The following NFIA variants were observed in gnomAD, a reference collection of about 807,000 sequenced individuals.
The protein encoded by NFIA is nuclear factor I A.
Under a neutral mutation model 62.8 loss-of-function variants are expected in NFIA, and 8 were observed. The observed-to-expected ratio is 0.13, with a 90% CI of 0.07 to 0.23. The LOEUF is 0.23. NFIA is among the 10% of genes least tolerant of loss of function. The pLI, the probability that NFIA is intolerant of heterozygous loss-of-function variation, is 1.00. For synonymous variants in NFIA, 235 were observed against 238.1 expected, an observed-to-expected ratio of 0.99 and a Z score of 0.12; for missense variants, 410 against 642.1, an observed-to-expected ratio of 0.64 and a Z score of 3.91.
chr1:61,177,672 T>C (rs1458102905), intron 2 of NFIA, among the ~76,000 whole-genome samples: 2 of 151,870 alleles, frequency 1.3e-5, no homozygotes, highest in African/African-American at 2.4e-5. Context: ...TGTGTGTGTG[T>C]GTGTGTGTGT....
rs184910568 is a variant in NFIA, at chr1:61,209,103, A to G, written c.560-68417A>G. Among the ~76,000 whole-genome samples the G allele has an allele frequency of 3.9e-5, 6 of 152,314 alleles. No individual in the cohort carries two copies. In the East Asian group the frequency reaches 9.6e-4, roughly 24 times the overall value. On this transcript the variant is annotated intron_variant, in intron 2 of 10. Coordinates refer to ENST00000403491, the MANE Select transcript of NFIA (RefSeq NM_001134673.4). ...GCTGTATTAAGGAAACCTGGAAACT[A>G]AAAAACACAAGAGTTTTGTTTTTTT...
intron 2 of NFIA, among the ~76,000 whole-genome samples, chr1:61,164,759 CA>C (rs1649458406): frequency 6.6e-6 from 1 of 152,044 alleles, no homozygotes; most frequent in Non-Finnish European, 1.5e-5. Flanking sequence ...CACGTCCAGC[CA>C]AATGTCTCAA....
intron 10 of NFIA, among the ~76,000 whole-genome samples, chr1:61,428,999 T>C (rs1666988612): frequency 6.6e-6 from 1 of 152,150 alleles, no homozygotes; most frequent in Non-Finnish European, 1.5e-5. Context: ...TATAAACAGA[T>C]GCAAAATAAA....
At chr1:61,160,353 C>T (rs1649107822) in intron 2 of NFIA, among the ~76,000 whole-genome samples, 1 of 152,212 alleles carries the variant, frequency 6.6e-6, no homozygotes, top group African/African-American at 2.4e-5. Context: ...TCTGGGAATG[C>T]AGTCCAGCAA....
intron 6 of NFIA, among the ~76,000 whole-genome samples, chr1:61,374,913 T>C (rs1205639884): frequency 1.3e-5 from 2 of 152,356 alleles, no homozygotes; most frequent in East Asian, 3.9e-4. Flanking sequence ...TCGTTGAGTG[T>C]GCTAATCATA....
intron 2 of NFIA, among the ~76,000 whole-genome samples, chr1:61,095,255 G>T (rs1570138984): frequency 1.3e-5 from 2 of 152,304 alleles, no homozygotes; most frequent in African/African-American, 2.4e-5. Flanking sequence ...TTGAATGTCT[G>T]TTCTGCAGCA....
At chr1:61,309,203 A>C (rs1473538135) in intron 3 of NFIA, among the ~76,000 whole-genome samples, 1 of 152,118 alleles carries the variant, frequency 6.6e-6, no homozygotes, top group Non-Finnish European at 1.5e-5. Flanking sequence ...AGTGCCAAAC[A>C]TCTCTATAGA....
chr1:61,172,070 T>C, intron 2 of NFIA, among the ~76,000 whole-genome samples: 1 of 152,264 alleles, frequency 6.6e-6, no homozygotes, highest in East Asian at 1.9e-4. Context: ...GAAATTACGG[T>C]TGGGTTCTTT....
upstream of NFIA, among the ~76,000 whole-genome samples, chr1:61,079,896 T>C (rs1479829830): frequency 9.2e-5 from 14 of 152,222 alleles, no homozygotes; most frequent in Non-Finnish European, 2.9e-5. Context: ...TTTATGCCTG[T>C]TGGAGAGAAA....
intron 2 of NFIA, among the ~76,000 whole-genome samples, chr1:61,117,173 C>A (rs1441109282): frequency 6.6e-6 from 1 of 152,160 alleles, no homozygotes; most frequent in Non-Finnish European, 1.5e-5. Context: ...AGAGACACCG[C>A]TATTTGTGTT....
chr1:61,214,618 A>G (rs980470628), intron 2 of NFIA, among the ~76,000 whole-genome samples: 1 of 152,056 alleles, frequency 6.6e-6, no homozygotes. Flanking sequence ...ATTTAAAGAG[A>G]TTTTCCCCAA....
At chr1:61,331,931 G>A (rs548728411) in intron 3 of NFIA, among the ~76,000 whole-genome samples, 1 of 152,124 alleles carries the variant, frequency 6.6e-6, no homozygotes, top group East Asian at 2.0e-4. Flanking sequence ...AAAAAATTTG[G>A]GGTGTATAAA....
intron 2 of NFIA, among the ~76,000 whole-genome samples, chr1:61,275,886 T>C (rs1657777481): frequency 6.6e-6 from 1 of 152,108 alleles, no homozygotes; most frequent in African/African-American, 2.4e-5. Context: ...ATATATATAA[T>C]ATTAATTTAT....
At chr1:61,260,986 G>A (rs767542911) in intron 2 of NFIA, among the ~76,000 whole-genome samples, 9 of 152,230 alleles carry the variant, frequency 5.9e-5, no homozygotes, top group Non-Finnish European at 1.0e-4. Context: ...GTTTGTCAGT[G>A]ATGTCTGAAG....
chr1:61,183,773 G>C (rs1557620387), intron 2 of NFIA, among the ~76,000 whole-genome samples: 1 of 152,150 alleles, frequency 6.6e-6, no homozygotes, highest in Non-Finnish European at 1.5e-5. Context: ...AGAGACCTCC[G>C]TGCCTTTTAG....
intron 2 of NFIA, among the ~76,000 whole-genome samples, chr1:61,159,505 T>C (rs11207701): frequency 0.079 from 12,068 of 152,118 alleles, 894 homozygotes; most frequent in East Asian, 0.25. Context: ...GTAGAACCTC[T>C]GACCACACCC....
intron 4 of NFIA, among the ~76,000 whole-genome samples, chr1:61,335,433 G>A (rs930716391): frequency 6.6e-6 from 1 of 152,208 alleles, no homozygotes; most frequent in Non-Finnish European, 1.5e-5. Flanking sequence ...TGCCTTGCAA[G>A]GCTGCCCTCT....
chr1:61,357,809 G>A (rs144015196), intron 5 of NFIA, among the ~76,000 whole-genome samples: 37 of 152,170 alleles, frequency 2.4e-4, no homozygotes, highest in East Asian at 2.1e-3. Context: ...CCCCTGAAAC[G>A]TGAAGAAGAG....
Position 61,292,250 on chromosome 1 carries a change from G to A in NFIA, c.625+14665G>A, listed in dbSNP as rs17121922. On this transcript the variant is annotated intron_variant, in intron 3 of 10. Transcript: ENST00000403491. The stretch of plus-strand genomic sequence containing the variant: ...GTGTTTTAAGGAGACCACTATTCTA[G>A]ACTATGTGCTCCCTGAGGGCAGAAA... Among the ~76,000 whole-genome samples the A allele has an allele frequency of 8.4e-3, 1,277 of 152,258 alleles. 15 individuals are homozygous for A. Among genetic ancestry groups the A allele is most frequent in the African/African-American group, 0.029 (1,199 of 41,544 alleles).
Sources: gnomAD v4.1 joint callset for allele counts (sites outside exome capture counted in the v4.1 genomes callset) on GRCh38, gnomAD v4.1.1 for gene constraint, MANE v1.5 for transcripts, NCBI Gene and HGNC (gene_info 2026-07-23, HGNC 2026-07-21) for gene names.